Variants in ELOC observed in about 807,000 individuals in gnomAD.
The protein encoded by ELOC is elongin-C.
For synonymous variants in ELOC, 40 were observed against 51.3 expected (o/e 0.78, Z 0.94); for missense variants, 38 against 139.0 (o/e 0.27, Z 3.65).
intron 3 of ELOC, among the ~76,000 whole-genome samples, chr8:73,954,720 C>A (rs1419102083): frequency 6.6e-6 from 1 of 150,960 alleles, no homozygotes; most frequent in African/African-American, 2.4e-5. Context: ...GAACACAAAT[C>A]ACCAGTCTGT....
chr8:73,967,380 G>A (rs1233832218), intron 1 of ELOC, among the ~76,000 whole-genome samples: 1 of 152,058 alleles, frequency 6.6e-6, no homozygotes, highest in South Asian at 2.1e-4. Flanking sequence ...AGCAGCCACA[G>A]ACAAGATGTA....
intron 2 of ELOC, among the ~76,000 whole-genome samples, chr8:73,957,713 G>C (rs1321854097): frequency 6.6e-6 from 1 of 152,172 alleles, no homozygotes; most frequent in African/African-American, 2.4e-5. Context: ...GGAGACTAAA[G>C]AGACAAGTTA....
Position 73,955,903 on chromosome 8 carries a change from G to A in ELOC, c.148+8C>T. ...AATATATGAAGAAAAAGACAGAACT[G>A]TGCTTACCTGGGCCACTCAACATGG... On this transcript the variant is annotated splice_region_variant and intron_variant, in intron 3 of 3. Coordinates refer to ENST00000520242, the MANE Select transcript of ELOC (RefSeq NM_005648.4). 1 of 1,606,818 alleles carries A rather than the reference G, an allele frequency of 6.2e-7. No individual in the cohort carries two copies.
At chr8:73,948,835 A>ACAAGCAAG (rs149713108) in intron 3 of ELOC, among the ~76,000 whole-genome samples, 4,024 of 150,364 alleles carry the variant, frequency 0.027, 156 homozygotes, top group African/African-American at 0.086. Flanking sequence ...CCTGTCACTC[A>ACAAGCAAG]CAAGCAAGCA....
chr8:73,946,892 C>T, intron 3 of ELOC, 72 bp from the exon 4 acceptor site: 3 of 1,249,670 alleles, frequency 2.4e-6, no homozygotes, highest in Non-Finnish European at 3.4e-6. Context: ...GAAGTCTTAA[C>T]CCCTTGTACC....
At chr8:73,953,415 G>A (rs1461805602) in intron 3 of ELOC, among the ~76,000 whole-genome samples, 4 of 152,092 alleles carry the variant, frequency 2.6e-5, no homozygotes, top group Non-Finnish European at 4.4e-5. Flanking sequence ...AGTGGCTCAC[G>A]CTTGTAATCC....
At chr8:73,956,829 C>T (rs1397181218) in intron 2 of ELOC, among the ~76,000 whole-genome samples, 1 of 152,178 alleles carries the variant, frequency 6.6e-6, no homozygotes, top group East Asian at 1.9e-4. Context: ...CAGCATTTCA[C>T]ACTTGATGGT....
intron 1 of ELOC, among the ~76,000 whole-genome samples, chr8:73,960,069 T>A (rs530587183): frequency 1.1e-3 from 167 of 152,320 alleles, no homozygotes; most frequent in African/African-American, 3.8e-3. Flanking sequence ...ACATAACATA[T>A]AATCATTATA....
At chr8:73,954,228 A>G (rs1047306832) in intron 3 of ELOC, among the ~76,000 whole-genome samples, 1 of 152,212 alleles carries the variant, frequency 6.6e-6, no homozygotes, top group Non-Finnish European at 1.5e-5. Flanking sequence ...TTGCTTTTGG[A>G]GTAATAAAAT....
chr8:73,950,299 C>T (rs1163485464), intron 3 of ELOC, among the ~76,000 whole-genome samples: 1 of 152,092 alleles, frequency 6.6e-6, no homozygotes, highest in Non-Finnish European at 1.5e-5. Context: ...CTGCAACAGA[C>T]TGAAAAACAT....
chr8:73,948,944 C>G (rs1586590971), intron 3 of ELOC, among the ~76,000 whole-genome samples: 1 of 152,168 alleles, frequency 6.6e-6, no homozygotes, highest in Non-Finnish European at 1.5e-5. Context: ...AAAATATGAT[C>G]ATGTTAACGA....
chr8:73,970,836 G>A (rs1166568194), intron 1 of ELOC, among the ~76,000 whole-genome samples: 2 of 145,062 alleles, frequency 1.4e-5, no homozygotes, highest in Non-Finnish European at 1.5e-5. Flanking sequence ...CCAACATGGT[G>A]AAACCCCATC....
Position 73,946,586 on chromosome 8 carries a change from T to C in ELOC, c.*44A>G. On this transcript the variant is annotated 3_prime_UTR_variant, in exon 4 of 4. Coordinates refer to ENST00000520242, the MANE Select transcript of ELOC (RefSeq NM_005648.4). ...AAAGTTACTAACTGAACTACAGGTA[T>C]TAAATACTGAAAAGAGTTAACAGTT... 1 of 1,448,518 alleles carries C rather than the reference T, an allele frequency of 6.9e-7. No individual in the cohort carries two copies. Among genetic ancestry groups the C allele is most frequent in the Non-Finnish European group, 9.3e-7 (1 of 1,078,746 alleles). The allele number at this position is 1,448,518 out of a possible 1,614,324, so 89.7% of individuals were successfully genotyped here. A position where few individuals can be genotyped will look rare whatever the true frequency, so the allele number is the denominator to read the frequency against.
intron 3 of ELOC, among the ~76,000 whole-genome samples, chr8:73,948,814 A>C (rs1028731691): frequency 6.6e-5 from 10 of 150,916 alleles, no homozygotes; most frequent in African/African-American, 2.5e-4. Context: ...CAGCCTGGGC[A>C]AGACAGAGAC....
At chr8:73,952,318 C>T (rs1401213252) in intron 3 of ELOC, among the ~76,000 whole-genome samples, 5 of 151,472 alleles carry the variant, frequency 3.3e-5, no homozygotes, top group South Asian at 4.2e-4. Context: ...ACAGGAGAAT[C>T]GGTTGAGGGT....
intron 3 of ELOC, among the ~76,000 whole-genome samples, chr8:73,953,371 G>A (rs141752386): frequency 0.015 from 2,227 of 151,536 alleles, 38 homozygotes; most frequent in Non-Finnish European, 0.022. Context: ...CACCCATTAA[G>A]ATAGCAGTGA....
intron 1 of ELOC, among the ~76,000 whole-genome samples, chr8:73,962,745 T>A (rs564296995): frequency 2.8e-4 from 43 of 152,320 alleles, no homozygotes; most frequent in African/African-American, 1.0e-3. Flanking sequence ...GTAGCAACAG[T>A]TTCTCTACAG....
chr8:73,955,073 C>G (rs1814065183), intron 3 of ELOC, among the ~76,000 whole-genome samples: 1 of 149,424 alleles, frequency 6.7e-6, no homozygotes, highest in South Asian at 2.1e-4. Context: ...ACTATGGAAC[C>G]TAATGTAGGA....
chr8:73,952,607 C>T (rs994031624), intron 3 of ELOC, among the ~76,000 whole-genome samples: 4 of 150,772 alleles, frequency 2.7e-5, no homozygotes, highest in Non-Finnish European at 5.9e-5. Context: ...AGTGAAACCC[C>T]GTCTCTACTA....
Sources: gnomAD v4.1 joint callset for allele counts (sites outside exome capture counted in the v4.1 genomes callset) on GRCh38, gnomAD v4.1.1 for gene constraint, MANE v1.5 for transcripts, NCBI Gene and HGNC (gene_info 2026-07-23, HGNC 2026-07-21) for gene names.